MMP20: variants seen among roughly 807,000 people sequenced by gnomAD.
MMP20 encodes the protein matrix metallopeptidase 20.
MMP20 carries 50 observed loss-of-function variants against 51.8 expected under a neutral mutation model. The ratio of observed to expected loss-of-function variants is 0.97; its 90% CI spans 0.77 to 1.22. The LOEUF is 1.22. Ranked by LOEUF, MMP20 falls within the 50% of genes most tolerant of loss-of-function variation. The pLI, the probability that MMP20 is intolerant of heterozygous loss-of-function variation, is 0.00. For synonymous variants in MMP20, 244 were observed against 216.2 expected, an observed-to-expected ratio of 1.13 and a Z score of -1.13; for missense variants, 663 against 601.4, an observed-to-expected ratio of 1.10 and a Z score of -1.07.
intron 6 of MMP20, among the ~76,000 whole-genome samples, chr11:102,603,228 G>T (rs1859470946): frequency 6.6e-6 from 1 of 152,212 alleles, no homozygotes; most frequent in African/African-American, 2.4e-5. Context: ...TTGAGTGGGA[G>T]AGAAGAGACT....
chr11:102,578,798 CAA>C (rs1211284829), intron 9 of MMP20, among the ~76,000 whole-genome samples: 1 of 123,848 alleles, frequency 8.1e-6, no homozygotes, highest in Non-Finnish European at 1.7e-5. Flanking sequence ...CACACAAAAA[CAA>C]AAACAAACAA....
chr11:102,615,079 A>G (rs920353616), intron 2 of MMP20, among the ~76,000 whole-genome samples: 21 of 147,702 alleles, frequency 1.4e-4, no homozygotes, highest in African/African-American at 5.2e-4. Context: ...AATATAATGT[A>G]TTTAATATAA....
chr11:102,616,342 A>G (rs921869605), intron 2 of MMP20, among the ~76,000 whole-genome samples: 1 of 152,188 alleles, frequency 6.6e-6, no homozygotes, highest in Non-Finnish European at 1.5e-5. Flanking sequence ...CTCTCCTTAA[A>G]GGACTGTGAG....
chr11:102,613,665 C>T (rs1784418), intron 2 of MMP20, among the ~76,000 whole-genome samples: 62,966 of 151,928 alleles, frequency 0.41, 13,520 homozygotes, highest in South Asian at 0.59. Context: ...GGACTGTGCC[C>T]ACAGAAAGGA....
intron 8 of MMP20, among the ~76,000 whole-genome samples, chr11:102,582,764 T>G (rs1859211667): frequency 6.6e-6 from 1 of 152,152 alleles, no homozygotes; most frequent in African/African-American, 2.4e-5. Flanking sequence ...CATACATAAT[T>G]ACTTAAAAAT....
At chr11:102,600,775 T>A (rs993550137) in intron 6 of MMP20, among the ~76,000 whole-genome samples, 2 of 152,030 alleles carry the variant, frequency 1.3e-5, no homozygotes, top group Admixed American at 6.6e-5. Flanking sequence ...TGTGAGCCAT[T>A]GCGCCTGGCC....
rs147036992 is a variant in MMP20, at chr11:102,597,512, T to C, written c.954-2755A>G. Among the ~76,000 whole-genome samples, 666 of 152,262 alleles carry C rather than the reference T, an allele frequency of 4.4e-3. 4 individuals are homozygous for C. The highest frequency in any genetic ancestry group is 0.031 in the Middle Eastern group (9 of 294). On this transcript the variant is annotated intron_variant, in intron 6 of 9. Transcript: ENST00000260228. The stretch of plus-strand genomic sequence containing the variant: ...CTGGGGGACGTTAGGCAATATCTGG[T>C]GACAATTTTGGTTGTCACAGGTGGG...
In MMP20 at chr11:102,608,930, A is replaced by G. The variant is rs777592148; in HGVS notation, c.811+7T>C. 68 of 1,613,652 alleles carry G rather than the reference A, an allele frequency of 4.2e-5. No homozygotes were observed. Among genetic ancestry groups the G allele is most frequent in the Non-Finnish European group, 5.6e-5 (66 of 1,179,658 alleles). On this transcript the variant is annotated splice_region_variant and intron_variant, in intron 5 of 9. Transcript: ENST00000260228. The stretch of plus-strand genomic sequence containing the variant: ...GGGTGAGTCATCAAAGAAGGTAATA[A>G]TCTTACCGTATAATGCCTGGATCCC...
intron 8 of MMP20, among the ~76,000 whole-genome samples, chr11:102,580,710 A>G (rs1859182408): frequency 6.6e-6 from 1 of 152,158 alleles, no homozygotes; most frequent in African/African-American, 2.4e-5. Flanking sequence ...CCTACTTTTC[A>G]TTTTACTAAG....
At chr11:102,581,066 C>T (rs950408406) in intron 8 of MMP20, among the ~76,000 whole-genome samples, 23 of 152,076 alleles carry the variant, frequency 1.5e-4, no homozygotes, top group Admixed American at 6.6e-5. Flanking sequence ...CTGCTGACTC[C>T]GTGATCAGGA....
chr11:102,611,976 CA>C, intron 2 of MMP20, 73 bp from the exon 3 acceptor site: 1 of 1,397,624 alleles, frequency 7.2e-7, no homozygotes, highest in Non-Finnish European at 1.0e-6. Context: ...ATGTTGTATT[CA>C]AAAAATGTTA....
chr11:102,618,968 T>C (rs905536006), intron 1 of MMP20, among the ~76,000 whole-genome samples: 4 of 152,114 alleles, frequency 2.6e-5, no homozygotes, highest in Non-Finnish European at 4.4e-5. Context: ...TGTTGTCCCT[T>C]GTAAAAACCT....
At chr11:102,589,526 T>C (rs1436178226) in intron 8 of MMP20, among the ~76,000 whole-genome samples, 2 of 152,202 alleles carry the variant, frequency 1.3e-5, no homozygotes, top group African/African-American at 2.4e-5. Flanking sequence ...GTGACAGGCA[T>C]TTCACATTTT....
intron 5 of MMP20, among the ~76,000 whole-genome samples, chr11:102,608,692 C>T (rs1784419): frequency 6.6e-6 from 1 of 151,728 alleles, no homozygotes; most frequent in Non-Finnish European, 1.5e-5. Context: ...AAACATAAAC[C>T]GACAAATGAC....
At chr11:102,594,892 G>A (rs1859363375) in intron 6 of MMP20, 135 bp from the exon 7 acceptor site, 3 of 1,109,362 alleles carry the variant, frequency 2.7e-6, no homozygotes, top group South Asian at 1.5e-5. Flanking sequence ...GCCTTGCCTT[G>A]TTTTTTTTCT....
At position 102,603,653 on chromosome 11, in the gene MMP20, G is replaced by A. The variant is rs534631602; in HGVS notation, c.953+2882C>T. 1.3e-4 allele frequency among the ~76,000 whole-genome samples: 20 copies of A among 152,248 alleles called. No individual in the cohort carries two copies. The South Asian group carries it at 3.5e-3, about 27-fold the overall frequency. ...ACAACTCCCTCACTTTATAGAAAAG[G>A]AAGAGAAGCTCCAGGTGCCACGGTG... On this transcript the variant is annotated intron_variant, in intron 6 of 9. Coordinates refer to ENST00000260228, the MANE Select transcript of MMP20 (RefSeq NM_004771.4).
intron 6 of MMP20, among the ~76,000 whole-genome samples, chr11:102,603,945 A>T (rs1025689765): frequency 1.3e-5 from 2 of 152,038 alleles, no homozygotes; most frequent in African/African-American, 2.4e-5. Context: ...TATAATCAAG[A>T]CTATGTCAAA....
intron 6 of MMP20, among the ~76,000 whole-genome samples, chr11:102,600,037 A>C (rs1420188108): frequency 6.6e-6 from 1 of 152,236 alleles, no homozygotes; most frequent in Non-Finnish European, 1.5e-5. Context: ...AGAAATGACA[A>C]TGAGTCAGGG....
chr11:102,608,991 G>T lies in MMP20; in HGVS notation c.757C>A (p.Pro253Thr), dbSNP rs138853084. The T allele has an allele frequency of 3.7e-6, 6 of 1,614,126 alleles. No homozygotes were observed. Among genetic ancestry groups the T allele is most frequent in the Non-Finnish European group, 5.1e-6 (6 of 1,179,958 alleles). ...LMYPTYKYKN[P>T]YGFHLPKDDV... ...TCTTTGGGGAGGTGGAATCCATAGG[G>T]ATTCTTGTACTTATAAGTTGGGTAC... is the stretch of plus-strand genomic sequence containing the variant. The change falls in exon 5 of 10, where the codon CCC becomes ACC. Residue 253 changes from proline (P) to threonine (T), a missense_variant. Physicochemically the swap from Pro to Thr is conservative, Grantham distance 38. Transcript: ENST00000260228.
Sources: gnomAD v4.1 joint callset for allele counts (sites outside exome capture counted in the v4.1 genomes callset) on GRCh38, gnomAD v4.1.1 for gene constraint, MANE v1.5 for transcripts, NCBI Gene and HGNC (gene_info 2026-07-23, HGNC 2026-07-21) for gene names.